Variants in GALNT13 observed in about 807,000 individuals in gnomAD.
The protein encoded by GALNT13 is polypeptide N-acetylgalactosaminyltransferase 13.
A neutral mutation model predicts 64.2 loss-of-function variants in GALNT13; 28 were observed. The observed-to-expected ratio is 0.44, with a 90% CI of 0.32 to 0.60. The LOEUF is 0.60. Among genes scored for constraint, GALNT13 ranks in the 20% least tolerant of loss-of-function variants. GALNT13 has a pLI of 0.05. For synonymous variants in GALNT13, 214 were observed against 224.6 expected (o/e 0.95, Z 0.42); for missense variants, 577 against 669.8 (o/e 0.86, Z 1.53).
the GALNT13 span, among the ~76,000 whole-genome samples, chr2:153,652,440 C>A: frequency 6.6e-6 from 1 of 152,002 alleles, no homozygotes; most frequent in Admixed American, 6.6e-5. Context: ...CATGGCAAAA[C>A]CCTGACTCTA....
chr2:154,038,937 A>G (rs1410893009), intron 3 of GALNT13, among the ~76,000 whole-genome samples: 4 of 152,122 alleles, frequency 2.6e-5, no homozygotes, highest in Non-Finnish European at 5.9e-5. Flanking sequence ...TCTATTAAAA[A>G]TGGACAAAAA....
intron 9 of GALNT13, among the ~76,000 whole-genome samples, chr2:154,389,330 G>A (rs1439372782): frequency 6.6e-6 from 1 of 151,982 alleles, no homozygotes; most frequent in Non-Finnish European, 1.5e-5. Flanking sequence ...GTAGAGACAG[G>A]GTATCACCAT....
At chr2:153,658,196 GC>G in the GALNT13 span, among the ~76,000 whole-genome samples, 1 of 151,886 alleles carries the variant, frequency 6.6e-6, no homozygotes. Context: ...CTACCTTCTG[GC>G]CAAGTTATCC....
the GALNT13 span, among the ~76,000 whole-genome samples, chr2:153,311,052 C>T: frequency 2.0e-5 from 3 of 152,056 alleles, no homozygotes; most frequent in East Asian, 5.8e-4. Flanking sequence ...ACCATTGGCC[C>T]AAACAAGCCC....
the GALNT13 span, among the ~76,000 whole-genome samples, chr2:153,259,425 T>G: frequency 6.6e-6 from 1 of 152,148 alleles, no homozygotes; most frequent in East Asian, 1.9e-4. Flanking sequence ...CAATTTTCAT[T>G]CAATGTTATT....
At chr2:153,095,550 G>A in the GALNT13 span, among the ~76,000 whole-genome samples, 6 of 152,122 alleles carry the variant, frequency 3.9e-5, no homozygotes, top group African/African-American at 1.4e-4. Flanking sequence ...TATACCCAAA[G>A]GATTATAAAT....
At chr2:154,036,560 C>A (rs1028597558) in intron 3 of GALNT13, among the ~76,000 whole-genome samples, 1 of 152,012 alleles carries the variant, frequency 6.6e-6, no homozygotes, top group Non-Finnish European at 1.5e-5. Flanking sequence ...TTCTTATTGA[C>A]CTGTATGTTT....
chr2:153,725,485 T>TA, the GALNT13 span, among the ~76,000 whole-genome samples: 92 of 149,448 alleles, frequency 6.2e-4, no homozygotes, highest in African/African-American at 7.3e-4. Flanking sequence ...ATAGTAATAA[T>TA]AAAAAAAAAG....
At chr2:153,250,677 T>C in the GALNT13 span, among the ~76,000 whole-genome samples, 3 of 152,266 alleles carry the variant, frequency 2.0e-5, no homozygotes, top group Admixed American at 6.5e-5. Flanking sequence ...GTGGCACATA[T>C]ACACCATGAA....
At chr2:153,706,828 A>G in the GALNT13 span, among the ~76,000 whole-genome samples, 5 of 152,318 alleles carry the variant, frequency 3.3e-5, 1 homozygote, top group Middle Eastern at 3.4e-3. Flanking sequence ...TCAAAACTGA[A>G]TAAACTACCT....
chr2:153,722,694 G>C, the GALNT13 span, among the ~76,000 whole-genome samples: 2 of 152,322 alleles, frequency 1.3e-5, no homozygotes, highest in African/African-American at 4.8e-5. Context: ...AAATAAACTA[G>C]AAAATCTAGA....
rs992794059 is a variant in GALNT13 at position 154,306,136 on chromosome 2, A to G, written c.1156+4547A>G. On this transcript the variant is annotated intron_variant, in intron 9 of 12. Transcript: ENST00000392825. The stretch of plus-strand genomic sequence containing the variant: ...GAGAGGTGAAGGGTCTTCCTCATAA[A>G]TCTCTTTTATTATTATTATTATTAT... Among the ~76,000 whole-genome samples the G allele has an allele frequency of 9.4e-5, 14 of 149,002 alleles. No individual in the cohort carries two copies. The South Asian group carries it at 3.0e-3, about 31-fold the overall frequency.
At chr2:153,463,018 C>T in the GALNT13 span, among the ~76,000 whole-genome samples, 3 of 152,008 alleles carry the variant, frequency 2.0e-5, no homozygotes, top group South Asian at 4.2e-4. Flanking sequence ...ACTCTTATCC[C>T]GAGGAAAGAC....
At chr2:153,769,423 G>A in the GALNT13 span, among the ~76,000 whole-genome samples, 1 of 147,360 alleles carries the variant, frequency 6.8e-6, no homozygotes, top group South Asian at 2.1e-4. Context: ...AAGCTATTCT[G>A]GCTTACAGAG....
chr2:153,177,589 AT>A, the GALNT13 span, among the ~76,000 whole-genome samples: 1 of 152,060 alleles, frequency 6.6e-6, no homozygotes, highest in East Asian at 1.9e-4. Flanking sequence ...TAAAATTTTC[AT>A]TTTTAATTGT....
chr2:153,095,038 G>A, the GALNT13 span, among the ~76,000 whole-genome samples: 1 of 152,098 alleles, frequency 6.6e-6, no homozygotes, highest in South Asian at 2.1e-4. Context: ...ATTGACAAAT[G>A]GGATCTAATT....
the GALNT13 span, among the ~76,000 whole-genome samples, chr2:153,313,305 C>T: frequency 6.6e-6 from 1 of 152,110 alleles, no homozygotes; most frequent in African/African-American, 2.4e-5. Context: ...CCTAAATGTC[C>T]ATCAATGGCA....
At chr2:153,963,731 CTGTGTGTGTGTG>C (rs58455059) in intron 3 of GALNT13, among the ~76,000 whole-genome samples, 2,259 of 100,796 alleles carry the variant, frequency 0.022, 51 homozygotes, top group African/African-American at 0.058. Flanking sequence ...CTCTCTCTCT[CTGTGTGTGTGTG>C]TGTGTGTGTG....
the GALNT13 span, among the ~76,000 whole-genome samples, chr2:153,118,147 C>CACACACACATA: frequency 7.1e-6 from 1 of 140,168 alleles, no homozygotes; most frequent in African/African-American, 2.7e-5. Context: ...ACACACACAC[C>CACACACACATA]CCACATAAAC....
Sources: gnomAD v4.1 joint callset for allele counts (sites outside exome capture counted in the v4.1 genomes callset) on GRCh38, gnomAD v4.1.1 for gene constraint, MANE v1.5 for transcripts, NCBI Gene and HGNC (gene_info 2026-07-23, HGNC 2026-07-21) for gene names.